Variants in ATG7 observed in about 807,000 individuals in gnomAD.
ATG7 encodes ubiquitin-like modifier-activating enzyme ATG7.
A neutral mutation model predicts 82.4 loss-of-function variants in ATG7; 70 were observed. The observed-to-expected ratio is 0.85, with a 90% CI of 0.70 to 1.04. The LOEUF (loss-of-function observed/expected upper bound fraction) is 1.04. Ranked by LOEUF, ATG7 falls within the 50% of genes least tolerant of loss-of-function variation. The pLI is 0.00. For synonymous variants in ATG7, 287 were observed against 313.0 expected (o/e 0.92, Z 0.88); for missense variants, 792 against 864.3 (o/e 0.92, Z 1.05).
At chr3:11,513,375 T>C (rs1188890944) in intron 20 of ATG7, among the ~76,000 whole-genome samples, 2 of 152,226 alleles carry the variant, frequency 1.3e-5, no homozygotes, top group African/African-American at 4.8e-5. Context: ...CTGCAGGTCC[T>C]GAGCCCTGCC....
chr3:11,492,183 C>A (rs1020595373), intron 20 of ATG7, among the ~76,000 whole-genome samples: 1 of 152,318 alleles, frequency 6.6e-6, no homozygotes, highest in African/African-American at 2.4e-5. Flanking sequence ...TTTTAAAGCC[C>A]ATCGGAAAGG....
intron 19 of ATG7, among the ~76,000 whole-genome samples, chr3:11,421,868 T>C (rs1428257213): frequency 6.6e-6 from 1 of 152,160 alleles, no homozygotes; most frequent in African/African-American, 2.4e-5. Flanking sequence ...GAAAACAACA[T>C]TTATCTCTTT....
chr3:11,323,715 A>G (rs1272475613), intron 9 of ATG7, among the ~76,000 whole-genome samples: 2 of 152,244 alleles, frequency 1.3e-5, no homozygotes, highest in African/African-American at 2.4e-5. Context: ...GACAAGAGCA[A>G]TAGCCAAGGA....
chr3:11,522,478 G>A (rs1015269826), intron 20 of ATG7, among the ~76,000 whole-genome samples: 15 of 111,558 alleles, frequency 1.3e-4, no homozygotes, highest in African/African-American at 3.1e-4. Context: ...TGAGATGAGC[G>A]GATGAGCCTC....
chr3:11,326,701 G>A (rs1263826015), intron 9 of ATG7, among the ~76,000 whole-genome samples: 1 of 152,236 alleles, frequency 6.6e-6, no homozygotes, highest in Non-Finnish European at 1.5e-5. Flanking sequence ...ATGATTGGCA[G>A]AGGGGAGCAA....
chr3:11,389,384 T>C (rs1325515042), intron 19 of ATG7, among the ~76,000 whole-genome samples: 3 of 150,038 alleles, frequency 2.0e-5, no homozygotes, highest in African/African-American at 7.3e-5. Context: ...TTCTAGAGTG[T>C]CTGACCTTCT....
rs1034894969 is a variant in ATG7, at chr3:11,556,495, C to G, written c.*1652C>G. Reference sequence around the variant, plus strand: ...TCAGCTGTGGGTGGTTTTCCTGTTACGACGCTCAGTAGCCTGTAGCAATAA... The same window carrying G: ...TCAGCTGTGGGTGGTTTTCCTGTTAGGACGCTCAGTAGCCTGTAGCAATAA... On this transcript the variant is annotated 3_prime_UTR_variant, in exon 21 of 21. Transcript: ENST00000693202. The G allele has an allele frequency of 1.3e-5, 2 of 152,610 alleles. No homozygotes were observed. Among genetic ancestry groups the G allele is most frequent in the Non-Finnish European group, 2.9e-5 (2 of 68,016 alleles). 9.5% of individuals were successfully genotyped at this position (152,610 alleles called of 1,614,324 possible). A position where few individuals can be genotyped will look rare whatever the true frequency, so the allele number is the denominator to read the frequency against.
chr3:11,351,616 A>G (rs76154610), intron 14 of ATG7, among the ~76,000 whole-genome samples: 2,949 of 152,276 alleles, frequency 0.019, 99 homozygotes, highest in East Asian at 0.065. Flanking sequence ...CTTCCTTCAC[A>G]CTTACATTGT....
At chr3:11,471,395 G>A (rs923127692) in intron 20 of ATG7, among the ~76,000 whole-genome samples, 5 of 152,162 alleles carry the variant, frequency 3.3e-5, no homozygotes, top group African/African-American at 1.2e-4. Context: ...TTATGTGTGA[G>A]CTCCTTGAGA....
chr3:11,511,705 C>T (rs2092068508), intron 20 of ATG7, among the ~76,000 whole-genome samples: 1 of 152,172 alleles, frequency 6.6e-6, no homozygotes, highest in African/African-American at 2.4e-5. Context: ...GTGGGAGGCT[C>T]AGGCATGGTG....
intron 20 of ATG7, among the ~76,000 whole-genome samples, chr3:11,509,933 G>A (rs1184134729): frequency 6.6e-6 from 1 of 152,150 alleles, no homozygotes; most frequent in African/African-American, 2.4e-5. Context: ...TTGGATGGGT[G>A]ATATAAATAG....
intron 20 of ATG7, among the ~76,000 whole-genome samples, chr3:11,516,818 C>T (rs993287586): frequency 1.3e-5 from 2 of 152,206 alleles, no homozygotes; most frequent in African/African-American, 4.8e-5. Flanking sequence ...CGCAGTGGCT[C>T]ACACCTGTAA....
intron 20 of ATG7, among the ~76,000 whole-genome samples, chr3:11,535,118 G>GC (rs1559810808): frequency 6.6e-6 from 1 of 152,220 alleles, no homozygotes; most frequent in East Asian, 1.9e-4. Flanking sequence ...TTGCTTGGGG[G>GC]CCCCCCTTGA....
At chr3:11,563,198 G>A in the ATG7 span, among the ~76,000 whole-genome samples, 3 of 152,216 alleles carry the variant, frequency 2.0e-5, no homozygotes, top group East Asian at 5.8e-4. Flanking sequence ...GTCATCAAGG[G>A]CCAGAGGCTG....
At chr3:11,318,638 T>C (rs568374864) in intron 9 of ATG7, among the ~76,000 whole-genome samples, 7 of 152,336 alleles carry the variant, frequency 4.6e-5, no homozygotes, top group Non-Finnish European at 7.3e-5. Flanking sequence ...AAGGTTCCTG[T>C]TGACTTCGGG....
At chr3:11,471,741 A>AT (rs148815680) in intron 20 of ATG7, among the ~76,000 whole-genome samples, 1 of 30,404 alleles carries the variant, frequency 3.3e-5, no homozygotes, top group Non-Finnish European at 5.8e-5. Flanking sequence ...GGCTTTTTAG[A>AT]TTTCTTTTTT....
At chr3:11,284,601 GA>G (rs1943630335) in intron 3 of ATG7, among the ~76,000 whole-genome samples, 1 of 152,048 alleles carries the variant, frequency 6.6e-6, no homozygotes, top group African/African-American at 2.4e-5. Flanking sequence ...GCCCAGGCTG[GA>G]ATACAGTGGT....
At chr3:11,287,399 A>G (rs346081) in intron 3 of ATG7, among the ~76,000 whole-genome samples, 131,388 of 152,178 alleles carry the variant, frequency 0.86, 56,957 homozygotes, top group East Asian at 1. Flanking sequence ...AACAGGGAAC[A>G]CTTTTCAGAC....
intron 20 of ATG7, among the ~76,000 whole-genome samples, chr3:11,537,167 C>T (rs1219419588): frequency 6.6e-6 from 1 of 152,142 alleles, no homozygotes. Context: ...GAGAGCTGCC[C>T]TCCCTCCACT....
Sources: allele counts gnomAD v4.1 joint callset (sites outside exome capture counted in the v4.1 genomes callset), GRCh38; gene constraint gnomAD v4.1.1; transcripts MANE v1.5; gene names NCBI Gene and HGNC (gene_info 2026-07-23, HGNC 2026-07-21).